ABCA1: variants seen among roughly 807,000 people sequenced by gnomAD.
ABCA1 encodes the protein ATP binding cassette subfamily A member 1, also known as phospholipid-transporting ATPase ABCA1.
ABCA1 carries 133 observed loss-of-function variants against 262.5 expected under a neutral mutation model. The observed-to-expected ratio is 0.51, with a 90% CI of 0.44 to 0.59. The LOEUF (loss-of-function observed/expected upper bound fraction) is 0.59. ABCA1 is among the 20% of genes least tolerant of loss of function. The pLI is 0.00. For missense variants in ABCA1, 2,452 were observed against 2,777.5 expected, an observed-to-expected ratio of 0.88 and a Z score of 2.63; for synonymous variants, 1,022 against 1,043.5, an observed-to-expected ratio of 0.98 and a Z score of 0.40.
At chr9:104,889,696 G>A (rs1443149255) in intron 2 of ABCA1, among the ~76,000 whole-genome samples, 1 of 152,182 alleles carries the variant, frequency 6.6e-6, no homozygotes, top group African/African-American at 2.4e-5. Context: ...ATGTTGAGAG[G>A]AGAGGACCAG....
intron 2 of ABCA1, among the ~76,000 whole-genome samples, chr9:104,889,620 C>A (rs974890079): frequency 6.6e-6 from 1 of 152,176 alleles, no homozygotes; most frequent in Non-Finnish European, 1.5e-5. Flanking sequence ...ACATTGAGCA[C>A]TCTGAAAGCA....
At chr9:104,799,335 C>T in intron 36 of ABCA1, 1 of 629,596 alleles carries the variant, frequency 1.6e-6, no homozygotes, top group Non-Finnish European at 2.0e-6. Context: ...GATTCAAACC[C>T]AGATCTGTAT....
Position 104,782,929 on chromosome 9 carries a change from T to A in ABCA1, c.*1386A>T, listed in dbSNP as rs552799805. 6.6e-6 allele frequency: 1 copy of A among 152,472 alleles called. No individual in the cohort carries two copies. Among genetic ancestry groups the A allele is most frequent in the South Asian group, 2.1e-4 (1 of 4,810 alleles). The allele number at this position is 152,472 out of a possible 1,614,324, so 9.4% of individuals were successfully genotyped here. On this transcript the variant is annotated 3_prime_UTR_variant, in exon 50 of 50. Coordinates refer to ENST00000374736, the MANE Select transcript of ABCA1 (RefSeq NM_005502.4). The stretch of plus-strand genomic sequence containing the variant: ...AAGACAACCTATATTTGTAAACCAG[T>A]GAGCTGAATAACATGGCACAGGAAG...
chr9:104,837,353 G>T, intron 10 of ABCA1, 75 bp downstream of exon 10: 1 of 1,594,072 alleles, frequency 6.3e-7, no homozygotes, highest in Non-Finnish European at 8.6e-7. Context: ...GCACACCTCT[G>T]AAGCTACCTT....
Position 104,793,273 on chromosome 9 carries a change from G to C in ABCA1, c.5534C>G (p.Ser1845Cys), listed in dbSNP as rs1829588358. ...FGENRFVSPLSWDLVGRNLFA... is the reference protein window; with the variant it reads ...FGENRFVSPLCWDLVGRNLFA... ...GAGGTTTCGTCCCACCAAGTCCCAA[G>C]ATAATGGTGACACAAAGCGATTCTC... The change falls in exon 41 of 50, where the codon TCT becomes TGT. Residue 1845 changes from serine to cysteine, a missense_variant. Coordinates refer to ENST00000374736, the MANE Select transcript of ABCA1 (RefSeq NM_005502.4). 6.2e-7 allele frequency: 1 copy of C among 1,614,070 alleles called. No homozygotes were observed. Among genetic ancestry groups the C allele is most frequent in the Non-Finnish European group, 8.5e-7 (1 of 1,180,012 alleles).
chr9:104,899,465 G>A (rs1258586977), intron 2 of ABCA1, among the ~76,000 whole-genome samples: 3 of 152,132 alleles, frequency 2.0e-5, no homozygotes, highest in Non-Finnish European at 4.4e-5. Context: ...AGGCTGAGGT[G>A]GGTGGATCAC....
rs998044760 is a variant in ABCA1, at chr9:104,903,694, C to A, written c.-15G>T. 1.3e-6 allele frequency: 2 copies of A among 1,573,750 alleles called. No individual in the cohort carries two copies. The highest frequency in any genetic ancestry group is 1.9e-5 in the Admixed American group (1 of 53,724). On this transcript the variant is annotated 5_prime_UTR_variant, in exon 2 of 50. Transcript: ENST00000374736. ...CAACAAGCCATGTTCCCTCAGCCAG[C>A]ACCCCCAGCGTGTGGCTCGGGAGCC... is the stretch of plus-strand genomic sequence containing the variant.
chr9:104,912,526 G>T (rs931116658), intron 1 of ABCA1, among the ~76,000 whole-genome samples: 28 of 152,296 alleles, frequency 1.8e-4, no homozygotes, highest in African/African-American at 6.7e-4. Context: ...CCAGCTAAAT[G>T]GTCTCAGGGC....
At chr9:104,892,724 A>G (rs1839859237) in intron 2 of ABCA1, among the ~76,000 whole-genome samples, 1 of 151,868 alleles carries the variant, frequency 6.6e-6, no homozygotes, top group Admixed American at 6.5e-5. Flanking sequence ...TTGGGAAAGC[A>G]ATGTTAACAA....
chr9:104,784,008 A>C lies in ABCA1; in HGVS notation c.*307T>G. ...TACACAGGAACAAAAAAAAAAAAAA[A>C]AGTGTGAGTTCAAACCCATATGTCC... On this transcript the variant is annotated 3_prime_UTR_variant, in exon 50 of 50. Coordinates refer to ENST00000374736, the MANE Select transcript of ABCA1 (RefSeq NM_005502.4). 1 of 268,686 alleles carries C rather than the reference A, an allele frequency of 3.7e-6. No homozygotes were observed. The highest frequency in any genetic ancestry group is 7.1e-6 in the Non-Finnish European group (1 of 140,124). The allele number at this position is 268,686 out of a possible 1,614,324, so 16.6% of individuals were successfully genotyped here.
At position 104,923,950 on chromosome 9, in the gene ABCA1, G is replaced by A. The variant is rs1026345610; in HGVS notation, c.-93+3985C>T. 2.6e-5 allele frequency among the ~76,000 whole-genome samples: 4 copies of A among 152,210 alleles called. No homozygotes were observed. The East Asian group carries it at 7.7e-4, about 29-fold the overall frequency. ...CCAGCTCCTTAAGAGGCTGATGTAT[G>A]AGGATCACGTGAGCGCAGGAGGCTG... On this transcript the variant is annotated intron_variant, in intron 1 of 49. Coordinates refer to ENST00000374736, the MANE Select transcript of ABCA1 (RefSeq NM_005502.4).
intron 1 of ABCA1, among the ~76,000 whole-genome samples, chr9:104,919,756 A>C (rs184775404): frequency 1.2e-4 from 18 of 152,364 alleles, no homozygotes; most frequent in Non-Finnish European, 2.2e-4. Context: ...TTATTGAATT[A>C]AACCAACTCC....
rs1241205637 is a variant in ABCA1, at chr9:104,817,631, G to C, written c.3463-227C>G. Among the ~76,000 whole-genome samples the C allele has an allele frequency of 6.6e-6, 1 of 152,244 alleles. No individual in the cohort carries two copies. Among genetic ancestry groups the C allele is most frequent in the Non-Finnish European group, 1.5e-5 (1 of 68,038 alleles). Reference sequence around the variant, plus strand: ...TGAGGGTGAAAGGTCAGGAAGCAGAGCTGCCAAAAGAACTGTGGCCTGCCA... The same window carrying C: ...TGAGGGTGAAAGGTCAGGAAGCAGACCTGCCAAAAGAACTGTGGCCTGCCA... On this transcript the variant is annotated intron_variant, in intron 23 of 49. Coordinates refer to ENST00000374736, the MANE Select transcript of ABCA1 (RefSeq NM_005502.4). The surrounding 1 kb of genome is among the most constrained non-coding windows in gnomAD (Gnocchi z 4.7).
chr9:104,926,462 C>CA (rs1826338004), intron 1 of ABCA1, among the ~76,000 whole-genome samples: 9 of 106,464 alleles, frequency 8.5e-5, no homozygotes, highest in African/African-American at 2.9e-4. Flanking sequence ...AAAAAAAAAC[C>CA]AAAAAAACAA....
chr9:104,821,460 T>C lies in ABCA1; in HGVS notation c.2875A>G (p.Ile959Val). The change falls in exon 20 of 50, where the codon ATC (isoleucine) becomes GTC (valine). Residue 959 changes from isoleucine to valine, a missense_variant. Coordinates refer to ENST00000374736, the MANE Select transcript of ABCA1 (RefSeq NM_005502.4). ...LFPPTSGTAY[I>V]LGKDIRSEMS... Reference sequence around the variant, plus strand: ...TCAGAGCGAATGTCTTTTCCCAGGATGTAGGCGGTGCCCGAGGTCGGGGGG... The same window carrying C: ...TCAGAGCGAATGTCTTTTCCCAGGACGTAGGCGGTGCCCGAGGTCGGGGGG... 6.2e-7 allele frequency: 1 copy of C among 1,614,102 alleles called. No homozygotes were observed. Among genetic ancestry groups the C allele is most frequent in the Non-Finnish European group, 8.5e-7 (1 of 1,180,026 alleles).
chr9:104,802,239 C>A, intron 33 of ABCA1, 80 bp from the exon 34 acceptor site: 1 of 1,298,510 alleles, frequency 7.7e-7, no homozygotes, highest in Non-Finnish European at 1.1e-6. Flanking sequence ...CGAGTGTGTA[C>A]AAGGTTCACT....
chr9:104,831,112 A>G lies in ABCA1; in HGVS notation c.1716-11T>C. 1 of 1,603,382 alleles carries G rather than the reference A, an allele frequency of 6.2e-7. No homozygotes were observed. Among genetic ancestry groups the G allele is most frequent in the Non-Finnish European group, 8.5e-7 (1 of 1,175,110 alleles). ...CCAGGGTCCCAGTACCTAAAACCAA[A>G]CCACAGGTAATCAACCATTCCTTTA... On this transcript the variant is annotated splice_polypyrimidine_tract_variant and intron_variant, in intron 13 of 49. Transcript: ENST00000374736.
chr9:104,857,953 AAG>A (rs1291630196), intron 7 of ABCA1, among the ~76,000 whole-genome samples: 1 of 152,222 alleles, frequency 6.6e-6, no homozygotes, highest in Non-Finnish European at 1.5e-5. Context: ...TTTTTTGGTT[AAG>A]AATGAATGGG....
chr9:104,890,697 C>A (rs1839653396), intron 2 of ABCA1, among the ~76,000 whole-genome samples: 1 of 151,792 alleles, frequency 6.6e-6, no homozygotes, highest in African/African-American at 2.4e-5. Flanking sequence ...CTCTTGGGTT[C>A]AAGTGATCCT....
Sources: gnomAD v4.1 joint callset for allele counts (sites outside exome capture counted in the v4.1 genomes callset) on GRCh38, gnomAD v4.1.1 for gene constraint, Gnocchi (gnomAD v3.1) non-coding constraint, MANE v1.5 for transcripts, NCBI Gene and HGNC (gene_info 2026-07-23, HGNC 2026-07-21) for gene names.